Variants in STK33 observed in about 807,000 individuals in gnomAD.
STK33 encodes serine/threonine-protein kinase 33.
Under a neutral mutation model 58.0 loss-of-function variants are expected in STK33, and 52 were observed. That is an observed-to-expected ratio of 0.90 (90% CI 0.72 to 1.13). The LOEUF (loss-of-function observed/expected upper bound fraction) is 1.13, where lower values mean the gene tolerates loss of function less well. Among genes scored for constraint, STK33 ranks in the 50% most tolerant of loss-of-function variants. The pLI is 0.00. For synonymous variants in STK33, 215 were observed against 200.1 expected (o/e 1.07, Z -0.63); for missense variants, 630 against 604.2 (o/e 1.04, Z -0.45).
the STK33 span, among the ~76,000 whole-genome samples, chr11:8,376,323 C>T: frequency 7.2e-5 from 11 of 152,294 alleles, no homozygotes; most frequent in African/African-American, 2.6e-4. Flanking sequence ...GGGACAGAAG[C>T]TGCACACACG....
At chr11:8,535,025 T>C (rs116057259) in intron 1 of STK33, among the ~76,000 whole-genome samples, 1,861 of 152,158 alleles carry the variant, frequency 0.012, 38 homozygotes, top group African/African-American at 0.042. Context: ...GTATGGAAAG[T>C]CATCCCTAAG....
At chr11:8,537,294 G>T (rs7104646) in intron 1 of STK33, among the ~76,000 whole-genome samples, 83,131 of 151,224 alleles carry the variant, frequency 0.55, 23,169 homozygotes, top group African/African-American at 0.65. Flanking sequence ...CTTGCTATGT[G>T]GCCTAGGCTG....
At chr11:8,401,339 G>C (rs1937902584) in intron 15 of STK33, among the ~76,000 whole-genome samples, 1 of 152,094 alleles carries the variant, frequency 6.6e-6, no homozygotes, top group Non-Finnish European at 1.5e-5. Flanking sequence ...TCTGATCTTT[G>C]ACAAACCTGA....
At chr11:8,554,283 G>T (rs1956571041) in intron 1 of STK33, among the ~76,000 whole-genome samples, 1 of 149,084 alleles carries the variant, frequency 6.7e-6, no homozygotes, top group African/African-American at 2.6e-5. Flanking sequence ...GCCAAGCATG[G>T]TGGCATGCAC....
chr11:8,386,341 T>C, the STK33 span, among the ~76,000 whole-genome samples: 348 of 152,370 alleles, frequency 2.3e-3, no homozygotes, highest in African/African-American at 7.9e-3. Context: ...TAAATGACTA[T>C]AGTCTCATGA....
At chr11:8,343,073 G>A in the STK33 span, among the ~76,000 whole-genome samples, 8,391 of 152,330 alleles carry the variant, frequency 0.055, 278 homozygotes, top group Non-Finnish European at 0.073. Context: ...ACATACGATC[G>A]TTTCCTATAG....
chr11:8,592,164 C>G (rs1487825755), intron 1 of STK33, among the ~76,000 whole-genome samples: 4 of 152,154 alleles, frequency 2.6e-5, no homozygotes, highest in Non-Finnish European at 5.9e-5. Context: ...AAACAGTTTT[C>G]TGCCTTGCCC....
intron 15 of STK33, among the ~76,000 whole-genome samples, chr11:8,411,305 C>A (rs904919622): frequency 6.6e-6 from 1 of 152,176 alleles, no homozygotes; most frequent in African/African-American, 2.4e-5. Flanking sequence ...CAAGTGCCAA[C>A]TATTTGAAAA....
At chr11:8,349,871 GAT>G in the STK33 span, among the ~76,000 whole-genome samples, 1 of 152,196 alleles carries the variant, frequency 6.6e-6, no homozygotes, top group East Asian at 1.9e-4. Context: ...ACTCCTTATA[GAT>G]TTCTCCTGGG....
At chr11:8,558,398 T>TACAC (rs71059170) in intron 1 of STK33, among the ~76,000 whole-genome samples, 258 of 149,786 alleles carry the variant, frequency 1.7e-3, no homozygotes, top group African/African-American at 5.2e-3. Flanking sequence ...TTGTCAGTGA[T>TACAC]ACACACACAC....
chr11:8,459,134 A>G (rs1436019542), intron 8 of STK33, among the ~76,000 whole-genome samples: 1 of 152,222 alleles, frequency 6.6e-6, no homozygotes, highest in Non-Finnish European at 1.5e-5. Flanking sequence ...TCAATTTTAA[A>G]TATATAAGTT....
the STK33 span, among the ~76,000 whole-genome samples, chr11:8,349,955 C>G: frequency 1.3e-5 from 2 of 152,258 alleles, no homozygotes; most frequent in Non-Finnish European, 2.9e-5. Context: ...CTGAGACAAC[C>G]AAGGCCCCAC....
chr11:8,546,608 C>G (rs1421675351), intron 1 of STK33, among the ~76,000 whole-genome samples: 1 of 146,822 alleles, frequency 6.8e-6, no homozygotes, highest in African/African-American at 2.5e-5. Flanking sequence ...CTACCCTGCT[C>G]AGCTCCTTGG....
At chr11:8,435,328 T>G (rs1943933042) in intron 14 of STK33, among the ~76,000 whole-genome samples, 166 bp downstream of exon 14, 1 of 152,222 alleles carries the variant, frequency 6.6e-6, no homozygotes, top group South Asian at 2.1e-4. Flanking sequence ...TCTAACAGTT[T>G]GAAAATGCCC....
chr11:8,583,979 T>C (rs981272946), intron 1 of STK33, among the ~76,000 whole-genome samples: 5 of 152,128 alleles, frequency 3.3e-5, no homozygotes, highest in Admixed American at 6.6e-5. Flanking sequence ...TTCAATTCAC[T>C]AGTGGCTGAG....
At chr11:8,468,558 C>T (rs184181034) in intron 6 of STK33, among the ~76,000 whole-genome samples, 26 of 152,256 alleles carry the variant, frequency 1.7e-4, no homozygotes, top group African/African-American at 6.0e-4. Context: ...ATGCATTGGT[C>T]CTCAAACAAT....
At chr11:8,547,493 C>T (rs958623531) in intron 1 of STK33, among the ~76,000 whole-genome samples, 1 of 152,172 alleles carries the variant, frequency 6.6e-6, no homozygotes, top group African/African-American at 2.4e-5. Context: ...GGATTACAGG[C>T]GTGAGCCACT....
intron 14 of STK33, 116 bp from the exon 15 acceptor site, chr11:8,413,808 T>A: frequency 1.1e-6 from 1 of 907,668 alleles, no homozygotes; most frequent in Non-Finnish European, 1.7e-6. Flanking sequence ...GAAAAGATTA[T>A]AATGCTGAAT....
At chr11:8,466,014 A>G (rs1948139061) in intron 6 of STK33, 1 of 152,328 alleles carries the variant, frequency 6.6e-6, no homozygotes, top group South Asian at 2.1e-4. Flanking sequence ...CGTGAGACCC[A>G]TTCACTATCA....
Sources: gnomAD v4.1 joint callset for allele counts (sites outside exome capture counted in the v4.1 genomes callset) on GRCh38, gnomAD v4.1.1 for gene constraint, MANE v1.5 for transcripts, NCBI Gene and HGNC (gene_info 2026-07-23, HGNC 2026-07-21) for gene names.